Variants in BSPH1 observed in about 807,000 individuals in gnomAD.
BSPH1 encodes the protein binder of sperm 1.
In BSPH1, 21 loss-of-function variants were observed where a neutral mutation model predicts 22.5. That is an observed-to-expected ratio of 0.93 (90% CI 0.66 to 1.35). The LOEUF is 1.35. Ranked by LOEUF, BSPH1 falls within the 40% of genes most tolerant of loss-of-function variation. The probability of loss-of-function intolerance (pLI) is 0.00; values close to 1 mark genes in which losing one functional copy is unlikely to be tolerated. For missense variants in BSPH1, 141 were observed against 154.2 expected (o/e 0.91, Z 0.45); for synonymous variants, 42 against 53.6 (o/e 0.78, Z 0.95).
intron 1 of BSPH1, among the ~76,000 whole-genome samples, chr19:47,982,903 G>A (rs543013657): frequency 6.6e-6 from 1 of 152,294 alleles, no homozygotes; most frequent in Admixed American, 6.5e-5. Context: ...AACTAGAATA[G>A]TCAAATACAT....
chr19:47,977,525 C>T lies in BSPH1; in HGVS notation c.125-21G>A, dbSNP rs997041688. On this transcript the variant is annotated intron_variant, in intron 3 of 5. Transcript: ENST00000344839. ...CCCATCTAGAGAAAACAAAATTCTT[C>T]CTCTGTTTCTGGGTGTGTTAGGAGA... 3 of 1,550,722 alleles carry T rather than the reference C, an allele frequency of 1.9e-6. No homozygotes were observed. In the African/African-American group the frequency reaches 4.1e-5, roughly 21 times the overall value.
At chr19:47,969,482 G>A (rs928553758) in intron 5 of BSPH1, among the ~76,000 whole-genome samples, 5 of 152,074 alleles carry the variant, frequency 3.3e-5, no homozygotes, top group Non-Finnish European at 1.5e-5. Context: ...CAAGTCATGA[G>A]GCTTTATAAG....
At chr19:47,986,044 C>G (rs188335703) in intron 1 of BSPH1, among the ~76,000 whole-genome samples, 1 of 152,114 alleles carries the variant, frequency 6.6e-6, no homozygotes, top group Admixed American at 6.5e-5. Flanking sequence ...AGCTACGGAG[C>G]CCCAGAGGAG....
At chr19:47,974,418 G>A (rs773609738) in intron 5 of BSPH1, among the ~76,000 whole-genome samples, 1 of 151,464 alleles carries the variant, frequency 6.6e-6, no homozygotes, top group South Asian at 2.1e-4. Context: ...TATAGGTGCC[G>A]GCCACCACGC....
intron 5 of BSPH1, among the ~76,000 whole-genome samples, chr19:47,968,696 A>AG (rs1568394103): frequency 1.7e-4 from 25 of 149,860 alleles, no homozygotes; most frequent in African/African-American, 6.1e-4. Flanking sequence ...AAAAAAAAAA[A>AG]AAAAAAAGAA....
At chr19:47,981,816 C>A (rs1600089633) in intron 1 of BSPH1, 1 of 799,828 alleles carries the variant, frequency 1.3e-6, no homozygotes, top group African/African-American at 1.9e-5. Flanking sequence ...ATTGTTCCTT[C>A]ATGAGCCATT....
intron 2 of BSPH1, chr19:47,980,477 C>CA: frequency 9.8e-6 from 2 of 203,710 alleles, no homozygotes; most frequent in Non-Finnish European, 1.6e-5. Context: ...CTTCTTCTTT[C>CA]TTTTTTTTTT....
At chr19:47,990,118 CAAAAAAAAA>C (rs11329791) in intron 1 of BSPH1, among the ~76,000 whole-genome samples, 20,727 of 100,318 alleles carry the variant, frequency 0.21, 1,921 homozygotes, top group African/African-American at 0.3. Context: ...GACTCCATCT[CAAAAAAAAA>C]AAAAAAAAAA....
chr19:47,972,867 A>G (rs1263416371), intron 5 of BSPH1, among the ~76,000 whole-genome samples: 1 of 71,214 alleles, frequency 1.4e-5, no homozygotes, highest in African/African-American at 5.4e-5. Flanking sequence ...CCCCACCCCC[A>G]CCCCCACACG....
intron 2 of BSPH1, among the ~76,000 whole-genome samples, chr19:47,980,594 G>A (rs1248839016): frequency 6.6e-6 from 1 of 151,084 alleles, no homozygotes. Context: ...TCAGCCTCGG[G>A]AGTAGCTGGG....
intron 1 of BSPH1, 86 bp from the exon 2 acceptor site, chr19:47,981,027 A>G: frequency 2.8e-6 from 2 of 712,756 alleles, no homozygotes; most frequent in Non-Finnish European, 4.5e-6. Flanking sequence ...TTCTAGTAAG[A>G]ATAATACTAT....
At chr19:47,974,631 C>T (rs560989635) in intron 5 of BSPH1, among the ~76,000 whole-genome samples, 2 of 152,072 alleles carry the variant, frequency 1.3e-5, no homozygotes, top group Non-Finnish European at 2.9e-5. Context: ...TTCTGTCTCT[C>T]GCTTGCTCTC....
chr19:47,984,160 A>AT (rs1568398500), intron 1 of BSPH1, among the ~76,000 whole-genome samples: 37 of 98,328 alleles, frequency 3.8e-4, no homozygotes, highest in African/African-American at 1.2e-3. Context: ...AGAAAAAAAA[A>AT]AAAATATATA....
chr19:47,989,114 TTATTATTA>T (rs1568399766), intron 1 of BSPH1, among the ~76,000 whole-genome samples: 26 of 30,900 alleles, frequency 8.4e-4, no homozygotes, highest in South Asian at 5.8e-3. Context: ...CACCGTTTTA[TTATTATTA>T]TTATTATTAT....
downstream of BSPH1, among the ~76,000 whole-genome samples, chr19:47,967,578 GCA>G (rs1183350598): frequency 1.3e-5 from 2 of 152,106 alleles, no homozygotes; most frequent in Non-Finnish European, 2.9e-5. Flanking sequence ...TCCCCTCTGT[GCA>G]CACACATCCC....
Position 47,980,876 on chromosome 19 carries a change from A to G in BSPH1, c.94+45T>C, listed in dbSNP as rs186870283. 2.1e-5 allele frequency: 26 copies of G among 1,242,542 alleles called. 1 individual carries two copies. Among genetic ancestry groups the G allele is most frequent in the Middle Eastern group, 3.7e-4 (2 of 5,338 alleles). 77.0% of individuals were successfully genotyped at this position (1,242,542 alleles called of 1,614,324 possible). A position where few individuals can be genotyped will look rare whatever the true frequency, so the allele number is the denominator to read the frequency against. ...CTCAATGGTTTCACATTTTATTGCA[A>G]AAATTTGAAAAGAAACGCTAATAAA... is the stretch of plus-strand genomic sequence containing the variant. On this transcript the variant is annotated intron_variant, in intron 2 of 5. Transcript: ENST00000344839.
At chr19:47,978,631 G>T (rs544231400) in intron 3 of BSPH1, among the ~76,000 whole-genome samples, 2 of 152,236 alleles carry the variant, frequency 1.3e-5, no homozygotes, top group African/African-American at 4.8e-5. Context: ...CTTTGTCAAA[G>T]GAAAATGGCA....
chr19:47,977,780 G>C, intron 3 of BSPH1: 1 of 624,988 alleles, frequency 1.6e-6, no homozygotes, highest in Non-Finnish European at 2.0e-6. Context: ...TCTCCTAAGC[G>C]TAGAAATATA....
At position 47,972,052 on chromosome 19, in the gene BSPH1, G is replaced by A. The variant is rs139337325; in HGVS notation, c.*3-3843C>T. Among the ~76,000 whole-genome samples the A allele has an allele frequency of 3.2e-4, 48 of 152,332 alleles. No homozygotes were observed. In the East Asian group the frequency reaches 7.9e-3, roughly 25 times the overall value. Reference sequence around the variant, plus strand: ...TACTTGTTCATCTGCTTCGCTGGTTGTAATTGATGTCTCTGCATTCCTAAA... The same window carrying A: ...TACTTGTTCATCTGCTTCGCTGGTTATAATTGATGTCTCTGCATTCCTAAA... On this transcript the variant is annotated intron_variant, in intron 5 of 5. Coordinates refer to ENST00000344839, the MANE Select transcript of BSPH1 (RefSeq NM_001128326.2).
Sources: allele counts gnomAD v4.1 joint callset (sites outside exome capture counted in the v4.1 genomes callset), GRCh38; gene constraint gnomAD v4.1.1; transcripts MANE v1.5; gene names NCBI Gene and HGNC (gene_info 2026-07-23, HGNC 2026-07-21).